Variants in YTHDC2 observed in about 807,000 individuals in gnomAD.
YTHDC2 encodes YTH N6-methyladenosine RNA binding protein C2, also known as 3'-5' RNA helicase YTHDC2.
Under a neutral mutation model 174.9 loss-of-function variants are expected in YTHDC2, and 45 were observed. The observed-to-expected ratio is 0.26, with a 90% CI of 0.20 to 0.33. The LOEUF is 0.33. Among genes scored for constraint, YTHDC2 ranks in the 10% least tolerant of loss-of-function variants. The pLI, the probability that YTHDC2 is intolerant of heterozygous loss-of-function variation, is 1.00. For missense variants in YTHDC2, 1,650 were observed against 1,723.7 expected (o/e 0.96, Z 0.76); for synonymous variants, 657 against 574.5 (o/e 1.14, Z -2.05).
chr5:113,527,257 T>C (rs1174046406), intron 4 of YTHDC2, among the ~76,000 whole-genome samples: 1 of 152,192 alleles, frequency 6.6e-6, no homozygotes, highest in African/African-American at 2.4e-5. Flanking sequence ...ATTTTGCATA[T>C]AGGAACCAAA....
chr5:113,561,192 A>G lies in YTHDC2; in HGVS notation c.2322+7A>G. ...TTTGAGAATGCCATTACAGGTAAAA[A>G]TTTATTTAAATATAAAAGGCATTTT... On this transcript the variant is annotated splice_region_variant and intron_variant, in intron 18 of 29. Transcript: ENST00000161863. The G allele has an allele frequency of 1.2e-6, 2 of 1,607,904 alleles. No homozygotes were observed. The highest frequency in any genetic ancestry group is 1.7e-6 in the Non-Finnish European group (2 of 1,176,672).
At position 113,525,659 on chromosome 5, in the gene YTHDC2, C is replaced by T. The variant is rs182558623; in HGVS notation, c.475+482C>T. On this transcript the variant is annotated intron_variant, in intron 3 of 29. Coordinates refer to ENST00000161863, the MANE Select transcript of YTHDC2 (RefSeq NM_022828.5). ...TAATAAGTGAGATTTTGAACTGGGG[C>T]TTTAGCTCTGGTAAGAGATTGGACA... 9.7e-3 allele frequency among the ~76,000 whole-genome samples: 1,473 copies of T among 152,124 alleles called. 13 individuals carry two copies. Among genetic ancestry groups the T allele is most frequent in the South Asian group, 0.023 (112 of 4,818 alleles).
At chr5:113,515,866 T>A (rs1034280668) in intron 2 of YTHDC2, among the ~76,000 whole-genome samples, 1 of 152,206 alleles carries the variant, frequency 6.6e-6, no homozygotes. Flanking sequence ...ATGGAAGATA[T>A]GTGTTCTTTT....
At position 113,515,286 on chromosome 5, in the gene YTHDC2, T is replaced by C; in HGVS notation, c.202T>C (p.Ser68Pro). 1 of 1,604,254 alleles carries C rather than the reference T, an allele frequency of 6.2e-7. No homozygotes were observed. The highest frequency in any genetic ancestry group is 2.2e-5 in the East Asian group (1 of 44,690). Residue 68 changes from serine (S) to proline (P), a missense_variant, in exon 2 of 30, where the codon TCT becomes CCT. This residue lies in a region of YTHDC2 where 304 missense variants were observed against 341.4 expected (regional missense o/e 0.89). Coordinates refer to ENST00000161863, the MANE Select transcript of YTHDC2 (RefSeq NM_022828.5). ...TTTCCGTGTAGAAATGGAATTTCCT[T>C]CTTCTTTGACCAGTACTGAAAGAGC... ...YGDQREMEFP[S>P]SLTSTERAFI...
chr5:113,586,375 C>G (rs1778679859), intron 26 of YTHDC2, among the ~76,000 whole-genome samples: 1 of 151,904 alleles, frequency 6.6e-6, no homozygotes, highest in African/African-American at 2.4e-5. Flanking sequence ...TCATCTTTCA[C>G]TGAGTTGTAA....
chr5:113,547,060 A>C (rs1055052301), intron 10 of YTHDC2, among the ~76,000 whole-genome samples: 56 of 152,204 alleles, frequency 3.7e-4, no homozygotes, highest in African/African-American at 1.3e-3. Flanking sequence ...TATTCTGTTC[A>C]TTAGAATGAG....
At chr5:113,586,832 G>A (rs2112809900) in intron 26 of YTHDC2, among the ~76,000 whole-genome samples, 1 of 138,520 alleles carries the variant, frequency 7.2e-6, no homozygotes, top group East Asian at 2.1e-4. Flanking sequence ...TCTACTTATT[G>A]GACTCTTCAG....
At chr5:113,572,279 T>G (rs1777774574) in intron 23 of YTHDC2, among the ~76,000 whole-genome samples, 1 of 152,202 alleles carries the variant, frequency 6.6e-6, no homozygotes, top group Admixed American at 6.5e-5. Flanking sequence ...TTGTGTGGTA[T>G]TGAGTGAATG....
intron 10 of YTHDC2, among the ~76,000 whole-genome samples, chr5:113,547,372 C>T (rs1363152845): frequency 6.6e-6 from 1 of 152,106 alleles, no homozygotes; most frequent in Non-Finnish European, 1.5e-5. Flanking sequence ...AAAGCAGAAA[C>T]AACAACAACA....
At chr5:113,540,684 A>G (rs1180675218) in intron 8 of YTHDC2, among the ~76,000 whole-genome samples, 2 of 152,156 alleles carry the variant, frequency 1.3e-5, no homozygotes, top group African/African-American at 4.8e-5. Flanking sequence ...ATCACCTCCC[A>G]CCAGGTCTTT....
At chr5:113,576,307 G>A (rs761139767) in intron 23 of YTHDC2, among the ~76,000 whole-genome samples, 2 of 152,090 alleles carry the variant, frequency 1.3e-5, no homozygotes, top group Non-Finnish European at 2.9e-5. Flanking sequence ...GGAGTGGTTA[G>A]CTCTATTGAA....
rs1775545366 is a variant in YTHDC2 at position 113,542,351 on chromosome 5, T to G, written c.1360-17T>G. The G allele has an allele frequency of 2.5e-6, 4 of 1,601,568 alleles. No individual in the cohort carries two copies. Among genetic ancestry groups the G allele is most frequent in the Non-Finnish European group, 3.4e-6 (4 of 1,176,788 alleles). On this transcript the variant is annotated splice_polypyrimidine_tract_variant and intron_variant, in intron 9 of 29. Coordinates refer to ENST00000161863, the MANE Select transcript of YTHDC2 (RefSeq NM_022828.5). ...AGGTAATTTATGATAATTTATGATTTTTACTGTTTTTTGTAGACTGAAAAA... is the reference window on the plus strand; with the variant it reads ...AGGTAATTTATGATAATTTATGATTGTTACTGTTTTTTGTAGACTGAAAAA...
At chr5:113,556,942 G>C (rs1265095852) in intron 17 of YTHDC2, among the ~76,000 whole-genome samples, 1 of 152,106 alleles carries the variant, frequency 6.6e-6, no homozygotes, top group Non-Finnish European at 1.5e-5. Flanking sequence ...TGGCTTTCTG[G>C]GTAGCTGTTA....
intron 25 of YTHDC2, 41 bp from the exon 26 acceptor site, chr5:113,584,261 C>G: frequency 1.3e-6 from 2 of 1,539,190 alleles, no homozygotes; most frequent in Non-Finnish European, 1.8e-6. Context: ...GTATGACGAA[C>G]TTATATATAA....
At chr5:113,527,707 A>G (rs899603284) in intron 4 of YTHDC2, among the ~76,000 whole-genome samples, 2 of 151,996 alleles carry the variant, frequency 1.3e-5, no homozygotes, top group African/African-American at 2.4e-5. Context: ...TATCCTTAAA[A>G]CTTGATCCTG....
At chr5:113,556,195 C>T in intron 17 of YTHDC2, 61 bp downstream of exon 17, 1 of 829,664 alleles carries the variant, frequency 1.2e-6, no homozygotes, top group East Asian at 2.6e-5. Flanking sequence ...TTTTTATATG[C>T]ATTACACATT....
chr5:113,513,945 G>A lies in YTHDC2; in HGVS notation c.50G>A (p.Gly17Asp). The A allele has an allele frequency of 1.9e-6, 3 of 1,602,858 alleles. No individual in the cohort carries two copies. The highest frequency in any genetic ancestry group is 2.6e-6 in the Non-Finnish European group (3 of 1,174,942). Residue 17 changes from glycine (G) to aspartate (D), a missense_variant, in exon 1 of 30, where the codon GGC (glycine) becomes GAC (aspartate). Physicochemically the swap from Gly to Asp is moderately conservative, Grantham distance 94 (BLOSUM62 -1). Around this residue, in one of 5 missense-constraint regions of YTHDC2, gnomAD observed 304 missense variants for 341.4 expected, o/e 0.89. Transcript: ENST00000161863. ...CCGCGGCAGCCGGCTCCTGGCGGTG[G>A]CGGAGGCGGCGGCCCCTCGCCTTGT... ...VSPRQPAPGGGGGGGPSPCGP... is the reference protein window; with the variant it reads ...VSPRQPAPGGDGGGGPSPCGP...
At position 113,592,317 on chromosome 5, in the gene YTHDC2, A is replaced by T; in HGVS notation, c.4212+139A>T. ...ATGGGAAACAGGGGTTCAGGTTTGT[A>T]AAAAGATAGTAAAAACCTACTTGTA... On this transcript the variant is annotated intron_variant, in intron 28 of 29. Transcript: ENST00000161863. 3.6e-6 allele frequency: 3 copies of T among 822,362 alleles called. No individual in the cohort carries two copies. In the Admixed American group the frequency reaches 1.1e-4, roughly 29 times the overall value. The allele number at this position is 822,362 out of a possible 1,614,324, so 50.9% of individuals were successfully genotyped here.
chr5:113,592,813 T>C (rs1034820663), intron 28 of YTHDC2: 1 of 152,456 alleles, frequency 6.6e-6, no homozygotes, highest in Non-Finnish European at 1.5e-5. Flanking sequence ...TCATTTTTAT[T>C]CTATAATAAT....
Sources: allele counts gnomAD v4.1 joint callset (sites outside exome capture counted in the v4.1 genomes callset), GRCh38; gene constraint gnomAD v4.1.1; regional missense constraint gnomAD v4.1.1; transcripts MANE v1.5; gene names NCBI Gene and HGNC (gene_info 2026-07-23, HGNC 2026-07-21).